Variants in DNM3 observed in about 807,000 individuals in gnomAD.
The protein encoded by DNM3 is dynamin 3, also known as dynamin-3.
Under a neutral mutation model 101.6 loss-of-function variants are expected in DNM3, and 47 were observed. The observed-to-expected ratio is 0.46, with a 90% CI of 0.37 to 0.59. The LOEUF (loss-of-function observed/expected upper bound fraction) is 0.59, where lower values mean the gene tolerates loss of function less well. Ranked by LOEUF, DNM3 falls within the 20% of genes least tolerant of loss-of-function variation. The pLI, the probability that DNM3 is intolerant of heterozygous loss-of-function variation, is 0.00. For synonymous variants in DNM3, 385 were observed against 387.9 expected (o/e 0.99, Z 0.09); for missense variants, 849 against 1,085.7 (o/e 0.78, Z 3.06).
chr1:172,373,891 A>G (rs961964822), intron 17 of DNM3, among the ~76,000 whole-genome samples: 2 of 152,124 alleles, frequency 1.3e-5, no homozygotes, highest in African/African-American at 4.8e-5. Context: ...TATTTTTATC[A>G]TCTTCACAAA....
At chr1:172,146,458 C>G (rs1242854047) in intron 14 of DNM3, among the ~76,000 whole-genome samples, 1 of 152,046 alleles carries the variant, frequency 6.6e-6, no homozygotes, top group Non-Finnish European at 1.5e-5. Context: ...CAATAGGAGT[C>G]AGAGGAATGA....
At chr1:171,861,081 C>A (rs571803894) in intron 1 of DNM3, among the ~76,000 whole-genome samples, 3 of 152,220 alleles carry the variant, frequency 2.0e-5, no homozygotes, top group South Asian at 4.2e-4. Context: ...TATACAACAT[C>A]ATTGAAAGAA....
At chr1:172,010,682 TTGTGTGTGTGTGTGTG>T (rs59701730) in intron 4 of DNM3, among the ~76,000 whole-genome samples, 3 of 112,728 alleles carry the variant, frequency 2.7e-5, no homozygotes, top group Non-Finnish European at 3.6e-5. Context: ...TTGGTATGTT[TTGTGTGTGTGTGTGTG>T]TGTGTGTGTG....
At chr1:172,148,663 G>A (rs1430928896) in intron 14 of DNM3, among the ~76,000 whole-genome samples, 2 of 151,962 alleles carry the variant, frequency 1.3e-5, no homozygotes, top group African/African-American at 4.8e-5. Flanking sequence ...TTCCTTTCTT[G>A]TTGTTTTCTC....
chr1:171,873,719 T>C (rs2035505599), intron 1 of DNM3, among the ~76,000 whole-genome samples: 1 of 152,230 alleles, frequency 6.6e-6, no homozygotes, highest in Admixed American at 6.5e-5. Context: ...CTATTAGACT[T>C]AAACCATACG....
intron 1 of DNM3, among the ~76,000 whole-genome samples, chr1:171,871,218 C>A (rs2035250831): frequency 6.6e-6 from 1 of 152,072 alleles, no homozygotes; most frequent in Admixed American, 6.5e-5. Flanking sequence ...ATACTCAACG[C>A]CCAGAGCCCC....
chr1:172,266,883 C>T (rs970075837), intron 15 of DNM3, among the ~76,000 whole-genome samples: 1 of 152,030 alleles, frequency 6.6e-6, no homozygotes, highest in Non-Finnish European at 1.5e-5. Flanking sequence ...TGTAACTTTA[C>T]GTGTGATATA....
intron 1 of DNM3, chr1:171,864,819 T>G (rs1375620941): frequency 1.3e-5 from 2 of 152,148 alleles, no homozygotes; most frequent in African/African-American, 2.4e-5. Context: ...GCTTTAATTT[T>G]CAGTTTTGCT....
intron 18 of DNM3, among the ~76,000 whole-genome samples, chr1:172,383,456 C>T (rs1354240486): frequency 6.6e-6 from 1 of 152,080 alleles, no homozygotes; most frequent in East Asian, 1.9e-4. Flanking sequence ...TCTAACCAAG[C>T]CCCCTCCCCA....
At chr1:172,102,671 G>T (rs2054734565) in intron 13 of DNM3, among the ~76,000 whole-genome samples, 3 of 152,078 alleles carry the variant, frequency 2.0e-5, no homozygotes, top group Admixed American at 2.0e-4. Flanking sequence ...GCATGGTCTT[G>T]TTTCACCAGA....
chr1:172,117,460 G>C (rs1409684638), intron 13 of DNM3, among the ~76,000 whole-genome samples: 1 of 152,308 alleles, frequency 6.6e-6, no homozygotes, highest in East Asian at 1.9e-4. Flanking sequence ...ATGATAGTGA[G>C]TAAGTCTCTC....
chr1:172,152,157 T>C (rs2058157669), intron 14 of DNM3, among the ~76,000 whole-genome samples: 1 of 152,146 alleles, frequency 6.6e-6, no homozygotes, highest in African/African-American at 2.4e-5. Context: ...GTGTTGGGAT[T>C]ACAGGCATAA....
chr1:172,045,403 CT>C (rs2049712974), intron 9 of DNM3, among the ~76,000 whole-genome samples: 2 of 152,028 alleles, frequency 1.3e-5, no homozygotes, highest in Non-Finnish European at 2.9e-5. Context: ...ACAGTGCTGT[CT>C]TCTTATTCTG....
At chr1:172,251,411 T>G (rs527829640) in intron 14 of DNM3, among the ~76,000 whole-genome samples, 1 of 151,622 alleles carries the variant, frequency 6.6e-6, no homozygotes, top group African/African-American at 2.4e-5. Context: ...ATTCTCCATT[T>G]GACTTACAAC....
intron 14 of DNM3, among the ~76,000 whole-genome samples, chr1:172,154,060 C>A (rs551803137): frequency 1.3e-5 from 2 of 152,068 alleles, no homozygotes; most frequent in Non-Finnish European, 2.9e-5. Context: ...CTTAAACTGT[C>A]GTTTCACTTA....
rs1214607905 is a variant in DNM3, at chr1:172,411,400, T to A, written c.*3559T>A. The A allele has an allele frequency of 2.0e-6, 2 of 984,934 alleles. No individual in the cohort carries two copies. Among genetic ancestry groups the A allele is most frequent in the Non-Finnish European group, 2.4e-6 (2 of 829,660 alleles). The allele number at this position is 984,934 out of a possible 1,614,324, so 61.0% of individuals were successfully genotyped here. A position where few individuals can be genotyped will look rare whatever the true frequency, so the allele number is the denominator to read the frequency against. ...TAAGAAGGAATTACCTTTGACAATA[T>A]TTTTCGGTAAGAAGTAAAACCTCTG... On this transcript the variant is annotated 3_prime_UTR_variant, in exon 21 of 21. Transcript: ENST00000627582.
intron 15 of DNM3, among the ~76,000 whole-genome samples, chr1:172,296,247 A>G (rs533692486): frequency 6.6e-6 from 1 of 152,384 alleles, no homozygotes; most frequent in Non-Finnish European, 1.5e-5. Context: ...GCAGAGCCAC[A>G]GGGCAACATT....
In DNM3 at chr1:172,294,456, C is replaced by A. The variant is rs528386262; in HGVS notation, c.1770-14272C>A. 2.0e-5 allele frequency among the ~76,000 whole-genome samples: 3 copies of A among 152,166 alleles called. No homozygotes were observed. In the South Asian group the frequency reaches 6.2e-4, roughly 32 times the overall value. On this transcript the variant is annotated intron_variant, in intron 15 of 20. Coordinates refer to ENST00000627582, the MANE Select transcript of DNM3 (RefSeq NM_015569.5). ...TGTTTGTTTTATGGAGGCTATAAAC[C>A]AAGGATTGGGGTAGACCCAGATTAT...
chr1:172,080,158 G>T lies in DNM3; in HGVS notation c.1423-1674G>T, dbSNP rs2053021488. Among the ~76,000 whole-genome samples, 3 of 152,178 alleles carry T rather than the reference G, an allele frequency of 2.0e-5. No homozygotes were observed. In the South Asian group the frequency reaches 6.2e-4, roughly 32 times the overall value. On this transcript the variant is annotated intron_variant, in intron 11 of 20. Transcript: ENST00000627582. The stretch of plus-strand genomic sequence containing the variant: ...TAGCAGAGCTCGAGCACTGTGCTGG[G>T]AGATCCGTCATTCTCTTCAGAGCTG...
Sources: gnomAD v4.1 joint callset for allele counts (sites outside exome capture counted in the v4.1 genomes callset) on GRCh38, gnomAD v4.1.1 for gene constraint, MANE v1.5 for transcripts, NCBI Gene and HGNC (gene_info 2026-07-23, HGNC 2026-07-21) for gene names.